Variants in CCDC7 observed in about 807,000 individuals in gnomAD.
The protein encoded by CCDC7 is coiled-coil domain containing 7.
CCDC7 carries 183 observed loss-of-function variants against 196.9 expected under a neutral mutation model. The ratio of observed to expected loss-of-function variants is 0.93; its 90% CI spans 0.82 to 1.05. The LOEUF (loss-of-function observed/expected upper bound fraction) is 1.05. CCDC7 is among the 50% of genes least tolerant of loss of function. The probability of loss-of-function intolerance (pLI) is 0.00; values close to 1 mark genes in which losing one functional copy is unlikely to be tolerated. For synonymous variants in CCDC7, 525 were observed against 484.6 expected, an observed-to-expected ratio of 1.08 and a Z score of -1.10; for missense variants, 1,540 against 1,482.2, an observed-to-expected ratio of 1.04 and a Z score of -0.64.
At chr10:32,606,880 G>A (rs1299491214) in intron 18 of CCDC7, among the ~76,000 whole-genome samples, 1 of 152,198 alleles carries the variant, frequency 6.6e-6, no homozygotes, top group Non-Finnish European at 1.5e-5. Flanking sequence ...GGGGGCTATT[G>A]AGAAGAGATG....
chr10:32,481,592 T>G (rs1485702030), intron 8 of CCDC7: 1 of 152,214 alleles, frequency 6.6e-6, no homozygotes, highest in Non-Finnish European at 1.5e-5. Flanking sequence ...TATGTAATTT[T>G]ACTATATACA....
intron 33 of CCDC7, among the ~76,000 whole-genome samples, chr10:32,843,106 T>A (rs932809874): frequency 3.3e-5 from 5 of 150,474 alleles, no homozygotes; most frequent in African/African-American, 9.9e-5. Context: ...ATAAATTTTT[T>A]TAAAAAATTT....
chr10:32,583,098 G>A (rs2058901772), exon 17 of CCDC7: 1 of 1,231,344 alleles, frequency 8.1e-7, no homozygotes. Flanking sequence ...GTCTCAAGAT[G>A]AATCAGCATT....
intron 16 of CCDC7, among the ~76,000 whole-genome samples, chr10:32,573,517 G>A (rs1400386754): frequency 6.6e-6 from 1 of 152,056 alleles, no homozygotes; most frequent in Non-Finnish European, 1.5e-5. Flanking sequence ...CTTAAAGAGG[G>A]GTTATGATAA....
Position 32,776,428 on chromosome 10 carries a change from A to G in CCDC7, c.2906-2549A>G, listed in dbSNP as rs1216863485. On this transcript the variant is annotated intron_variant, in intron 28 of 41. Transcript: ENST00000639629. ...TTACCTTGCTCTTTATGCTATCCCTATCATCACCAGGCTCATTACACTCAT... is the reference window on the plus strand; with the variant it reads ...TTACCTTGCTCTTTATGCTATCCCTGTCATCACCAGGCTCATTACACTCAT... Among the ~76,000 whole-genome samples the G allele has an allele frequency of 2.6e-5, 4 of 152,036 alleles. No individual in the cohort carries two copies. The East Asian group carries it at 7.7e-4, about 29-fold the overall frequency.
intron 18 of CCDC7, among the ~76,000 whole-genome samples, chr10:32,605,195 A>G (rs1442191003): frequency 2.0e-5 from 3 of 152,142 alleles, no homozygotes; most frequent in Non-Finnish European, 4.4e-5. Flanking sequence ...AAGCAGCCCA[A>G]GGCTTCACCA....
intron 24 of CCDC7, among the ~76,000 whole-genome samples, chr10:32,710,693 C>G (rs142289166): frequency 6.5e-4 from 99 of 152,304 alleles, no homozygotes; most frequent in Non-Finnish European, 1.1e-3. Context: ...TAGTATCCCC[C>G]AAGAGGTCTC....
chr10:32,738,880 C>T (rs945603440), intron 28 of CCDC7, among the ~76,000 whole-genome samples: 5 of 151,988 alleles, frequency 3.3e-5, no homozygotes, highest in African/African-American at 7.3e-5. Flanking sequence ...AAAATATTTT[C>T]TTCCAATGCA....
rs2052038320 is a variant in CCDC7 at position 32,544,303 on chromosome 10, T to A, written c.1134+2T>A. ...AAAGAAGATTTGGATCAAGTACAGG[T>A]AACACACCCACTCTCTCTATGCATC... On this transcript the variant is annotated splice_donor_variant, in intron 13 of 41. Coordinates refer to ENST00000639629, the Ensembl canonical transcript of CCDC7. LOFTEE classifies it high-confidence loss of function. 1 of 1,609,050 alleles carries A rather than the reference T, an allele frequency of 6.2e-7. No homozygotes were observed. Among genetic ancestry groups the A allele is most frequent in the Non-Finnish European group, 8.5e-7 (1 of 1,177,464 alleles).
At chr10:32,759,685 C>T (rs1565422035) in intron 28 of CCDC7, among the ~76,000 whole-genome samples, 1 of 152,266 alleles carries the variant, frequency 6.6e-6, no homozygotes, top group Non-Finnish European at 1.5e-5. Flanking sequence ...TAGGCATGGG[C>T]AAGGACTTCA....
At chr10:32,468,356 T>C (rs1472215009) in intron 5 of CCDC7, among the ~76,000 whole-genome samples, 1 of 152,150 alleles carries the variant, frequency 6.6e-6, no homozygotes, top group African/African-American at 2.4e-5. Context: ...GTGAATGGGA[T>C]TGCATTCCTG....
At position 32,814,350 on chromosome 10, in the gene CCDC7, A is replaced by T. The variant is rs1454705604; in HGVS notation, c.3098-20A>T. 6.7e-7 allele frequency: 1 copy of T among 1,491,382 alleles called. No homozygotes were observed. Among genetic ancestry groups the T allele is most frequent in the East Asian group, 2.3e-5 (1 of 44,246 alleles). The allele number at this position is 1,491,382 out of a possible 1,614,324, so 92.4% of individuals were successfully genotyped here. A position where few individuals can be genotyped will look rare whatever the true frequency, so the allele number is the denominator to read the frequency against. ...TAAATGATTACCTTACAGTGTTTTG[A>T]TACCTGTTTATTTCTATAGGGCCTG... On this transcript the variant is annotated intron_variant, in intron 30 of 41. Coordinates refer to ENST00000639629, the Ensembl canonical transcript of CCDC7.
chr10:32,518,117 T>C, intron 10 of CCDC7, 142 bp downstream of exon 11: 1 of 1,118,374 alleles, frequency 8.9e-7, no homozygotes, highest in Non-Finnish European at 1.2e-6. Context: ...ATATGTGAAC[T>C]TTCTGGAAAG....
Position 32,724,298 on chromosome 10 carries a change from C to A in CCDC7, c.2570-2436C>A, listed in dbSNP as rs538830017. On this transcript the variant is annotated intron_variant, in intron 25 of 41. Coordinates refer to ENST00000639629, the Ensembl canonical transcript of CCDC7. ...TCTCCCAAAAAATTTCCATGGGATC[C>A]TCGGGGTTCTTTTCTTTTCTAGAAA... Among the ~76,000 whole-genome samples the A allele has an allele frequency of 5.6e-4, 85 of 152,170 alleles. No individual in the cohort carries two copies. The Middle Eastern group carries it at 0.014, about 25-fold the overall frequency.
Position 32,579,444 on chromosome 10 carries a change from G to A in CCDC7, c.1455-3590G>A, listed in dbSNP as rs149637027. 3.1e-3 allele frequency among the ~76,000 whole-genome samples: 468 copies of A among 152,068 alleles called. 3 individuals carry two copies. Among genetic ancestry groups the A allele is most frequent in the African/African-American group, 0.011 (441 of 41,486 alleles). ...CTAATATGGCTGTGTACCTGTTCTC[G>A]GTTTAATAATTCAGAATGTCCTTAT... is the stretch of plus-strand genomic sequence containing the variant. On this transcript the variant is annotated intron_variant, in intron 16 of 41. Coordinates refer to ENST00000639629, the Ensembl canonical transcript of CCDC7.
chr10:32,557,734 CA>C (rs1564639499), intron 13 of CCDC7, among the ~76,000 whole-genome samples: 1 of 151,980 alleles, frequency 6.6e-6, no homozygotes, highest in African/African-American at 2.4e-5. Flanking sequence ...TTTTATTACC[CA>C]GGCTGGAGTA....
intron 16 of CCDC7, among the ~76,000 whole-genome samples, chr10:32,575,075 G>A (rs1055498819): frequency 1.3e-5 from 2 of 152,014 alleles, no homozygotes; most frequent in African/African-American, 2.4e-5. Context: ...AAAAATAAAT[G>A]AACAAGATAA....
chr10:32,826,137 C>T (rs535747162), intron 32 of CCDC7, among the ~76,000 whole-genome samples: 1 of 152,298 alleles, frequency 6.6e-6, no homozygotes, highest in East Asian at 1.9e-4. Flanking sequence ...TCAGGAACCA[C>T]CTCCAACATC....
chr10:32,691,647 C>T (rs1301374080), intron 23 of CCDC7, among the ~76,000 whole-genome samples: 1 of 152,204 alleles, frequency 6.6e-6, no homozygotes, highest in African/African-American at 2.4e-5. Context: ...CTCACTCCAT[C>T]AGTGATCTTA....
Sources: gnomAD v4.1 joint callset for allele counts (sites outside exome capture counted in the v4.1 genomes callset) on GRCh38, gnomAD v4.1.1 for gene constraint, MANE v1.5 for transcripts, NCBI Gene and HGNC (gene_info 2026-07-23, HGNC 2026-07-21) for gene names.